The following FANCB variants were observed in gnomAD, a reference collection of about 807,000 sequenced individuals.
FANCB encodes the protein FA complementation group B.
Under a neutral mutation model 38.9 loss-of-function variants are expected in FANCB, and 5 were observed. The ratio of observed to expected loss-of-function variants is 0.13; its 90% CI spans 0.07 to 0.27. The LOEUF is 0.27. Ranked by LOEUF, FANCB falls within the 10% of genes least tolerant of loss-of-function variation. FANCB has a pLI of 1.00. For missense variants in FANCB, 573 were observed against 602.7 expected, an observed-to-expected ratio of 0.95 and a Z score of 0.52; for synonymous variants, 236 against 215.4, an observed-to-expected ratio of 1.10 and a Z score of -0.84.
chrX:14,774,704 G>C, the FANCB span, among the ~76,000 whole-genome samples: 111 of 112,504 alleles, frequency 9.9e-4, no homozygotes, highest in African/African-American at 3.4e-3. Context: ...AATAGTCATT[G>C]TCTTTCCTAT....
the FANCB span, among the ~76,000 whole-genome samples, chrX:14,735,158 C>T: frequency 9.1e-6 from 1 of 109,341 alleles, no homozygotes; most frequent in South Asian, 4.0e-4. Flanking sequence ...TCTTAGCTTC[C>T]TTGCATTGGG....
chrX:14,815,372 G>GC, the FANCB span, among the ~76,000 whole-genome samples: 1 of 96,954 alleles, frequency 1.0e-5, no homozygotes, highest in African/African-American at 4.6e-5. Context: ...GCCATAAAAG[G>GC]TAAAAAAAAA....
At chrX:14,794,240 T>C in the FANCB span, among the ~76,000 whole-genome samples, 1 of 111,548 alleles carries the variant, frequency 9.0e-6, no homozygotes, top group Non-Finnish European at 1.9e-5. Flanking sequence ...ACAGAGTTTG[T>C]TAACTGACAG....
At chrX:14,745,260 T>C in the FANCB span, among the ~76,000 whole-genome samples, 4 of 111,483 alleles carry the variant, frequency 3.6e-5, no homozygotes, top group South Asian at 1.1e-3. Flanking sequence ...CTACAAGGGG[T>C]TTGGGCTCCA....
the FANCB span, among the ~76,000 whole-genome samples, chrX:14,805,529 C>G: frequency 9.0e-6 from 1 of 111,534 alleles, no homozygotes; most frequent in African/African-American, 3.3e-5. Context: ...CAGCTTCATT[C>G]TCTCGCTGAC....
chrX:14,833,674 T>TGGG (rs56758477), downstream of FANCB, among the ~76,000 whole-genome samples: 5,008 of 103,534 alleles, frequency 0.048, 120 homozygotes, highest in Non-Finnish European at 0.06. Flanking sequence ...AGGCTGGGTG[T>TGGG]GGGGGGGGTT....
chrX:14,799,289 T>C, the FANCB span, among the ~76,000 whole-genome samples: 9 of 112,090 alleles, frequency 8.0e-5, no homozygotes, highest in African/African-American at 2.9e-4. Context: ...TTCACTATTT[T>C]CTGACTTATC....
the FANCB span, among the ~76,000 whole-genome samples, chrX:14,828,004 T>A: frequency 8.9e-6 from 1 of 112,474 alleles, no homozygotes. Context: ...TCCCAGTACA[T>A]ATGAAAGTTA....
chrX:14,802,207 A>G, the FANCB span, among the ~76,000 whole-genome samples: 24 of 111,782 alleles, frequency 2.1e-4, no homozygotes, highest in African/African-American at 7.8e-4. Context: ...GGAGTTTGCC[A>G]GTCAGACAAG....
the FANCB span, among the ~76,000 whole-genome samples, chrX:14,823,425 T>C: frequency 2.7e-5 from 3 of 111,964 alleles, no homozygotes; most frequent in Non-Finnish European, 5.6e-5. Flanking sequence ...CTTTAAAATA[T>C]GTCTCTTGAA....
chrX:14,735,715 G>A, the FANCB span, among the ~76,000 whole-genome samples: 1 of 112,594 alleles, frequency 8.9e-6, no homozygotes, highest in Non-Finnish European at 1.9e-5. Flanking sequence ...ACAGAGGTCA[G>A]GGAACCACTT....
chrX:14,831,226 T>C (rs771070289), downstream of FANCB, among the ~76,000 whole-genome samples: 2 of 112,479 alleles, frequency 1.8e-5, no homozygotes, highest in Non-Finnish European at 3.8e-5. Flanking sequence ...ACCCACTATG[T>C]GCAAAGCATT....
the FANCB span, among the ~76,000 whole-genome samples, chrX:14,812,498 A>G: frequency 8.9e-6 from 1 of 112,342 alleles, no homozygotes; most frequent in African/African-American, 3.2e-5. Context: ...CACTGATCCC[A>G]CAGAAATACA....
the FANCB span, among the ~76,000 whole-genome samples, chrX:14,819,500 G>A: frequency 6.3e-5 from 7 of 111,727 alleles, no homozygotes; most frequent in African/African-American, 9.8e-5. Flanking sequence ...TGGAAGAACC[G>A]ACAAGACTGA....
chrX:14,818,230 A>G, the FANCB span, among the ~76,000 whole-genome samples: 1 of 109,751 alleles, frequency 9.1e-6, no homozygotes, highest in African/African-American at 3.3e-5. Context: ...AGCAGTAGGG[A>G]GAGTGGTGCC....
chrX:14,818,289 A>C, the FANCB span, among the ~76,000 whole-genome samples: 1 of 108,247 alleles, frequency 9.2e-6, no homozygotes, highest in Non-Finnish European at 1.9e-5. Flanking sequence ...CTCGTCAAAG[A>C]AGGTACGGGG....
chrX:14,694,181 G>A, the FANCB span, among the ~76,000 whole-genome samples: 1 of 111,910 alleles, frequency 8.9e-6, no homozygotes, highest in African/African-American at 3.2e-5. Context: ...GAACCAGATT[G>A]CAGTAGTTTA....
chrX:14,859,440 A>G (rs919438493), intron 3 of FANCB, 106 bp from the exon 4 acceptor site: 2 of 548,533 alleles, frequency 3.6e-6, no homozygotes, highest in Non-Finnish European at 6.2e-6. Context: ...GTAAAACTCA[A>G]TCTTATAAAT....
chrX:14,778,898 C>T, the FANCB span, among the ~76,000 whole-genome samples: 2 of 112,173 alleles, frequency 1.8e-5, no homozygotes, highest in Non-Finnish European at 3.8e-5. Context: ...ATGTCCTTCC[C>T]GTGGCTTCTG....
Sources: allele counts gnomAD v4.1 joint callset (sites outside exome capture counted in the v4.1 genomes callset), GRCh38; gene constraint gnomAD v4.1.1; transcripts MANE v1.5; gene names NCBI Gene and HGNC (gene_info 2026-07-23, HGNC 2026-07-21).